The following NRG1 variants were observed in gnomAD, a reference collection of about 807,000 sequenced individuals.
NRG1 encodes pro-neuregulin-1, membrane-bound isoform.
A neutral mutation model predicts 63.8 loss-of-function variants in NRG1; 18 were observed. That is an observed-to-expected ratio of 0.28 (90% confidence interval 0.19 to 0.42). The LOEUF (loss-of-function observed/expected upper bound fraction) is 0.42. Among genes scored for constraint, NRG1 ranks in the 10% least tolerant of loss-of-function variants. NRG1 has a pLI of 1.00. For missense variants in NRG1, 762 were observed against 814.7 expected (o/e 0.94, Z 0.79); for synonymous variants, 302 against 301.3 (o/e 1.00, Z -0.02).
chr8:31,977,005 C>T (rs1808304342), intron 1 of NRG1, among the ~76,000 whole-genome samples: 1 of 152,060 alleles, frequency 6.6e-6, no homozygotes, highest in Non-Finnish European at 1.5e-5. Context: ...AATAATTATT[C>T]CATATAGAGT....
At chr8:32,756,573 T>G in intron 9 of NRG1, 44 bp downstream of exon 9, 1 of 1,579,656 alleles carries the variant, frequency 6.3e-7, no homozygotes, top group South Asian at 1.2e-5. Context: ...CCTCTCTCCT[T>G]TGTTCAGACG....
At chr8:32,491,416 A>T (rs908177053) in intron 1 of NRG1, among the ~76,000 whole-genome samples, 1 of 152,206 alleles carries the variant, frequency 6.6e-6, no homozygotes, top group African/African-American at 2.4e-5. Context: ...ATTGTGTAGA[A>T]AAAGATGCTT....
chr8:32,077,151 G>C (rs1427446745), intron 1 of NRG1, among the ~76,000 whole-genome samples: 1 of 152,196 alleles, frequency 6.6e-6, no homozygotes, highest in African/African-American at 2.4e-5. Flanking sequence ...TGGATCACCA[G>C]AGTTCAGGAG....
chr8:32,204,170 T>A (rs1308426965), intron 1 of NRG1, among the ~76,000 whole-genome samples: 4 of 152,132 alleles, frequency 2.6e-5, no homozygotes, highest in Non-Finnish European at 4.4e-5. Context: ...CTCAGTGAGA[T>A]GGGAATGAGG....
In NRG1 at chr8:31,907,997, G is replaced by A. The variant is rs533519821; in HGVS notation, c.37+268566G>A. Among the ~76,000 whole-genome samples the A allele has an allele frequency of 3.5e-4, 54 of 152,134 alleles. 1 individual carries two copies. The highest frequency in any genetic ancestry group is 1.3e-3 in the African/African-American group (52 of 41,528). ...GCTTTAGGGAGTTACTACAATTTAG[G>A]TCTGGAACTCACATCCCATTTTCCT... On this transcript the variant is annotated intron_variant, in intron 1 of 10. Transcript: ENST00000519301.
At chr8:31,761,282 T>A (rs1206465541) in intron 1 of NRG1, among the ~76,000 whole-genome samples, 2 of 151,944 alleles carry the variant, frequency 1.3e-5, no homozygotes, top group African/African-American at 4.8e-5. Context: ...AAGGGGAACA[T>A]CACACTCTGG....
chr8:32,056,202 C>A (rs1448906615), intron 1 of NRG1, among the ~76,000 whole-genome samples: 3 of 151,990 alleles, frequency 2.0e-5, no homozygotes, highest in Non-Finnish European at 4.4e-5. Flanking sequence ...CAGGGGATGC[C>A]AAATTTTCGG....
chr8:31,857,811 G>T (rs906113593), intron 1 of NRG1, among the ~76,000 whole-genome samples: 5 of 152,102 alleles, frequency 3.3e-5, no homozygotes, highest in African/African-American at 4.8e-5. Context: ...GTTCAAAATG[G>T]GTCATAAAGC....
At chr8:31,991,629 C>T (rs1811107761) in intron 1 of NRG1, among the ~76,000 whole-genome samples, 1 of 151,944 alleles carries the variant, frequency 6.6e-6, no homozygotes, top group Admixed American at 6.6e-5. Flanking sequence ...GGATTTGACA[C>T]CAGAGCTGTC....
intron 1 of NRG1, among the ~76,000 whole-genome samples, chr8:32,302,891 C>T (rs1033938105): frequency 3.9e-5 from 6 of 151,956 alleles, no homozygotes; most frequent in African/African-American, 9.7e-5. Context: ...AAAGAAAAGA[C>T]GAACCTGTGG....
intron 1 of NRG1, among the ~76,000 whole-genome samples, chr8:32,594,946 G>C (rs1440220107): frequency 6.6e-6 from 1 of 152,172 alleles, no homozygotes; most frequent in Non-Finnish European, 1.5e-5. Flanking sequence ...TGGGTTTTCT[G>C]TGTTCTTTGG....
At chr8:31,897,565 C>T (rs1831677042) in intron 1 of NRG1, among the ~76,000 whole-genome samples, 1 of 152,134 alleles carries the variant, frequency 6.6e-6, no homozygotes, top group Admixed American at 6.5e-5. Context: ...TGATAAGAAA[C>T]ATTTACAATC....
intron 5 of NRG1, among the ~76,000 whole-genome samples, chr8:32,671,592 G>A (rs571082081): frequency 2.0e-5 from 3 of 152,134 alleles, no homozygotes; most frequent in South Asian, 2.1e-4. Context: ...ATGTATGCAC[G>A]CACACACATG....
chr8:32,376,435 C>A (rs1809632032), intron 1 of NRG1, among the ~76,000 whole-genome samples: 1 of 152,230 alleles, frequency 6.6e-6, no homozygotes, highest in East Asian at 1.9e-4. Context: ...TGCATAGGAC[C>A]CCCATTCCCT....
At chr8:31,910,390 C>T (rs913056307) in intron 1 of NRG1, among the ~76,000 whole-genome samples, 7 of 152,060 alleles carry the variant, frequency 4.6e-5, no homozygotes, top group African/African-American at 1.7e-4. Context: ...GTTCTCAGTG[C>T]AACAATAAAC....
At chr8:31,808,260 C>G (rs1442447887) in intron 1 of NRG1, among the ~76,000 whole-genome samples, 1 of 151,904 alleles carries the variant, frequency 6.6e-6, no homozygotes, top group Non-Finnish European at 1.5e-5. Flanking sequence ...TTTGTGTAAG[C>G]TGATGTATGG....
chr8:32,752,697 C>T (rs754156164), intron 7 of NRG1, among the ~76,000 whole-genome samples: 7 of 152,116 alleles, frequency 4.6e-5, no homozygotes, highest in South Asian at 2.1e-4. Flanking sequence ...TTCCCTTCCT[C>T]GGTCTCTCTG....
At chr8:31,851,734 A>G (rs1827245650) in intron 1 of NRG1, among the ~76,000 whole-genome samples, 1 of 146,770 alleles carries the variant, frequency 6.8e-6, no homozygotes, top group Admixed American at 6.8e-5. Context: ...CATTAGGTAT[A>G]TCTCCCAATG....
intron 5 of NRG1, among the ~76,000 whole-genome samples, chr8:32,681,719 G>T (rs1440782419): frequency 1.3e-5 from 2 of 152,094 alleles, no homozygotes; most frequent in East Asian, 3.8e-4. Context: ...TACAAATGCT[G>T]CAATTCTAGC....
Sources: gnomAD v4.1 joint callset for allele counts (sites outside exome capture counted in the v4.1 genomes callset) on GRCh38, gnomAD v4.1.1 for gene constraint, MANE v1.5 for transcripts, NCBI Gene and HGNC (gene_info 2026-07-23, HGNC 2026-07-21) for gene names.